The following NPR1 variants were observed in gnomAD, a reference collection of about 807,000 sequenced individuals.
The protein encoded by NPR1 is natriuretic peptide receptor 1.
NPR1 carries 57 observed loss-of-function variants against 116.9 expected under a neutral mutation model. That is an observed-to-expected ratio of 0.49 (90% CI 0.39 to 0.61). NPR1 has a LOEUF of 0.61. Among genes scored for constraint, NPR1 ranks in the 20% least tolerant of loss-of-function variants. The pLI is 0.00. For missense variants in NPR1, 1,096 were observed against 1,409.8 expected (o/e 0.78, Z 3.56); for synonymous variants, 555 against 601.6 (o/e 0.92, Z 1.13).
At chr1:153,691,653 T>C (rs1009308191) in intron 20 of NPR1, among the ~76,000 whole-genome samples, 1 of 152,038 alleles carries the variant, frequency 6.6e-6, no homozygotes, top group Non-Finnish European at 1.5e-5. Context: ...TCCCAGCACT[T>C]TGGGAGGCCG....
chr1:153,682,472 A>C, intron 4 of NPR1, 26 bp from the exon 5 acceptor site: 1 of 1,574,560 alleles, frequency 6.4e-7, no homozygotes, highest in Non-Finnish European at 8.7e-7. Context: ...TCTCTCAAAC[A>C]TAGTCATCTT....
chr1:153,679,904 T>A lies in NPR1; in HGVS notation c.721+75T>A. On this transcript the variant is annotated intron_variant, in intron 1 of 21. Transcript: ENST00000368680. The surrounding 1 kb of genome is among the most constrained non-coding windows in gnomAD (Gnocchi z 4.2). ...TCTGACCTGCCGGAGGCATCGGGAC[T>A]TTCTCTCTCATCTGGGGGCACTCTT... is the stretch of plus-strand genomic sequence containing the variant. The A allele has an allele frequency of 6.7e-7, 1 of 1,497,254 alleles. No individual in the cohort carries two copies. The allele number at this position is 1,497,254 out of a possible 1,614,324, so 92.7% of individuals were successfully genotyped here.
chr1:153,679,815 C>G lies in NPR1; in HGVS notation c.707C>G (p.Pro236Arg), dbSNP rs1290716134. The change falls in exon 1 of 22, where the codon CCG becomes CGG. Residue 236 changes from proline to arginine, a missense_variant. By Grantham distance (103) the Pro-to-Arg change is moderately radical. Transcript: ENST00000368680. This position sits in a 1 kb window ranked among gnomAD's most constrained non-coding sequence, Gnocchi z 4.2. ...TACACCAGGCTGCTGCGGACCATGC[C>G]GCGCAAAGGCCGAGGTGAGACGCTG... The part of the protein sequence containing the change: ...SHYTRLLRTM[P>R]RKGRVIYICS... 1 of 1,541,842 alleles carries G rather than the reference C, an allele frequency of 6.5e-7. No individual in the cohort carries two copies.
chr1:153,678,898 G>T lies in NPR1; in HGVS notation c.-211G>T. Reference sequence around the variant, plus strand: ...TCCTGGCACCCACCTGCTCCGCGGCGCCCTGCGCGCCCCCCTCGGTCGCGC... The same window carrying T: ...TCCTGGCACCCACCTGCTCCGCGGCTCCCTGCGCGCCCCCCTCGGTCGCGC... On this transcript the variant is annotated 5_prime_UTR_variant, in exon 1 of 22. Coordinates refer to ENST00000368680, the MANE Select transcript of NPR1 (RefSeq NM_000906.4). This position sits in a 1 kb window ranked among gnomAD's most constrained non-coding sequence, Gnocchi z 5.8. 2 of 573,538 alleles carry T rather than the reference G, an allele frequency of 3.5e-6. No homozygotes were observed. The highest frequency in any genetic ancestry group is 4.2e-5 in the Admixed American group (1 of 23,558). The allele number at this position is 573,538 out of a possible 1,614,324, so 35.5% of individuals were successfully genotyped here. A position where few individuals can be genotyped will look rare whatever the true frequency, so the allele number is the denominator to read the frequency against.
chr1:153,686,311 C>A, intron 10 of NPR1, 111 bp downstream of exon 10: 1 of 1,048,528 alleles, frequency 9.5e-7, no homozygotes, highest in Non-Finnish European at 1.5e-6. Flanking sequence ...AAGAAAGGGG[C>A]AGGGACTGGA....
At position 153,679,262 on chromosome 1, in the gene NPR1, T is replaced by C. The variant is rs1216662967; in HGVS notation, c.154T>C (p.Trp52Arg). 6.5e-7 allele frequency: 1 copy of C among 1,527,998 alleles called. No individual in the cohort carries two copies. The allele number at this position is 1,527,998 out of a possible 1,614,324, so 94.7% of individuals were successfully genotyped here. A position where few individuals can be genotyped will look rare whatever the true frequency, so the allele number is the denominator to read the frequency against. ...PLANTSYPWS[W>R]ARVGPAVELA... is the part of the protein sequence containing the mutation. ...GGCCAATACCTCGTACCCCTGGTCG[T>C]GGGCGCGCGTGGGACCCGCCGTGGA... The change falls in exon 1 of 22, where the codon TGG becomes CGG. Residue 52 changes from tryptophan (W) to arginine (R), a missense_variant. Coordinates refer to ENST00000368680, the MANE Select transcript of NPR1 (RefSeq NM_000906.4). This position sits in a 1 kb window ranked among gnomAD's most constrained non-coding sequence, Gnocchi z 4.2.
At position 153,679,825 on chromosome 1, in the gene NPR1, C is replaced by G; in HGVS notation, c.717C>G (p.Gly239=). The change falls in exon 1 of 22, where the codon GGC becomes GGG. Residue 239 remains glycine, a synonymous_variant. Coordinates refer to ENST00000368680, the MANE Select transcript of NPR1 (RefSeq NM_000906.4). The surrounding 1 kb of genome is among the most constrained non-coding windows in gnomAD (Gnocchi z 4.2). ...TRLLRTMPRK[G]RVIYICSSPD... is the part of the protein sequence containing the mutation. ...TGCTGCGGACCATGCCGCGCAAAGG[C>G]CGAGGTGAGACGCTGGCACACCCCG... 1 of 1,539,674 alleles carries G rather than the reference C, an allele frequency of 6.5e-7. No homozygotes were observed. Among genetic ancestry groups the G allele is most frequent in the East Asian group, 2.4e-5 (1 of 40,964 alleles).
chr1:153,685,520 A>C (rs778600250), intron 8 of NPR1, among the ~76,000 whole-genome samples: 1 of 151,994 alleles, frequency 6.6e-6, no homozygotes, highest in Non-Finnish European at 1.5e-5. Flanking sequence ...AAAGATTAGC[A>C]GGGCATGGTG....
chr1:153,680,602 A>G lies in NPR1; in HGVS notation c.823A>G (p.Ile275Val). 6.2e-7 allele frequency: 1 copy of G among 1,614,116 alleles called. No homozygotes were observed. Among genetic ancestry groups the G allele is most frequent in the Non-Finnish European group, 8.5e-7 (1 of 1,180,012 alleles). ...GGACTACGTTTTCTTCCACCTGGATATCTTTGGGCAAAGCCTGCAAGGTGG... is the reference window on the plus strand; with the variant it reads ...GGACTACGTTTTCTTCCACCTGGATGTCTTTGGGCAAAGCCTGCAAGGTGG... ...GEDYVFFHLD[I>V]FGQSLQGGQG... The change falls in exon 2 of 22, where the codon ATC becomes GTC. Residue 275 changes from isoleucine (I) to valine (V), a missense_variant. Transcript: ENST00000368680.
chr1:153,684,252 C>T (rs992754356), intron 7 of NPR1, among the ~76,000 whole-genome samples: 3 of 151,936 alleles, frequency 2.0e-5, no homozygotes, highest in African/African-American at 4.8e-5. Flanking sequence ...TTGTTCCTGC[C>T]GTCCAGTGGA....
In NPR1 at chr1:153,679,317, C is replaced by T. The variant is rs771579198; in HGVS notation, c.209C>T (p.Pro70Leu). The change falls in exon 1 of 22, where the codon CCC becomes CTC. Residue 70 changes from proline to leucine, a missense_variant. Transcript: ENST00000368680. The surrounding 1 kb of genome is among the most constrained non-coding windows in gnomAD (Gnocchi z 4.2). ...ELALAQVKAR[P>L]DLLPGWTVRT... Reference sequence around the variant, plus strand: ...GCCCTGGCCCAGGTGAAGGCGCGCCCCGACTTGCTGCCGGGCTGGACGGTC... The same window carrying T: ...GCCCTGGCCCAGGTGAAGGCGCGCCTCGACTTGCTGCCGGGCTGGACGGTC... The T allele has an allele frequency of 1.5e-5, 23 of 1,533,184 alleles. No individual in the cohort carries two copies. In the East Asian group the frequency reaches 5.5e-4, roughly 36 times the overall value. The allele number at this position is 1,533,184 out of a possible 1,614,324, so 95.0% of individuals were successfully genotyped here. A position where few individuals can be genotyped will look rare whatever the true frequency, so the allele number is the denominator to read the frequency against.
At chr1:153,684,906 C>A in intron 7 of NPR1, 58 bp from the exon 8 acceptor site, 1 of 1,603,848 alleles carries the variant, frequency 6.2e-7, no homozygotes, top group Non-Finnish European at 8.5e-7. Context: ...GGCTGCTGAG[C>A]ACCCTGCCCT....
chr1:153,689,596 A>G lies in NPR1; in HGVS notation c.2757+75A>G. Reference sequence around the variant, plus strand: ...CAGAAAAAGATGAGGGGTAGGCAGAATGATGTGGAGTCTTAAGAGAGGAGA... The same window carrying G: ...CAGAAAAAGATGAGGGGTAGGCAGAGTGATGTGGAGTCTTAAGAGAGGAGA... On this transcript the variant is annotated intron_variant, in intron 18 of 21. Coordinates refer to ENST00000368680, the MANE Select transcript of NPR1 (RefSeq NM_000906.4). The surrounding 1 kb of genome is among the most constrained non-coding windows in gnomAD (Gnocchi z 5.1). The G allele has an allele frequency of 2.1e-6, 3 of 1,434,592 alleles. No homozygotes were observed. In the South Asian group the frequency reaches 3.4e-5, roughly 16 times the overall value. The allele number at this position is 1,434,592 out of a possible 1,614,324, so 88.9% of individuals were successfully genotyped here. A position where few individuals can be genotyped will look rare whatever the true frequency, so the allele number is the denominator to read the frequency against.
chr1:153,687,559 G>C, intron 13 of NPR1, 75 bp from the exon 14 acceptor site: 1 of 1,519,584 alleles, frequency 6.6e-7, no homozygotes, highest in Non-Finnish European at 8.8e-7. Flanking sequence ...ATCAGTTTCG[G>C]CCACACCCTT....
chr1:153,682,146 C>T (rs1669799069), intron 4 of NPR1, among the ~76,000 whole-genome samples: 1 of 152,050 alleles, frequency 6.6e-6, no homozygotes, highest in African/African-American at 2.4e-5. Flanking sequence ...CCTCCGCCTC[C>T]CAGGTTCAAG....
chr1:153,693,064 C>T, intron 20 of NPR1, 42 bp from the exon 21 acceptor site: 3 of 1,515,156 alleles, frequency 2.0e-6, no homozygotes, highest in Non-Finnish European at 2.7e-6. Flanking sequence ...CTGCTCTCCT[C>T]TCTCACATTG....
chr1:153,679,073 T>C lies in NPR1; in HGVS notation c.-36T>C. The C allele has an allele frequency of 4.3e-6, 6 of 1,400,304 alleles. No individual in the cohort carries two copies. The highest frequency in any genetic ancestry group is 5.5e-6 in the Non-Finnish European group (6 of 1,088,988). The allele number at this position is 1,400,304 out of a possible 1,614,324, so 86.7% of individuals were successfully genotyped here. On this transcript the variant is annotated 5_prime_UTR_variant, in exon 1 of 22. Transcript: ENST00000368680. The surrounding 1 kb of genome is among the most constrained non-coding windows in gnomAD (Gnocchi z 4.2). ...CCCAAGGGGACCGAGGAGGCCATGG[T>C]AGGAGCGCTCGCCTGCTGCGGTGCC...
rs771459619 is a variant in NPR1 at position 153,683,725 on chromosome 1, G to C, written c.1400-15G>C. 8 of 1,613,486 alleles carry C rather than the reference G, an allele frequency of 5.0e-6. No individual in the cohort carries two copies. The highest frequency in any genetic ancestry group is 5.9e-6 in the Non-Finnish European group (7 of 1,179,448). ...CCCAAATCTCTCTTGCTGCAATATG[G>C]ACTCTCTCCTGCAGATCACCTTTCC... On this transcript the variant is annotated splice_polypyrimidine_tract_variant and intron_variant, in intron 6 of 21. Coordinates refer to ENST00000368680, the MANE Select transcript of NPR1 (RefSeq NM_000906.4).
chr1:153,688,141 C>T lies in NPR1; in HGVS notation c.2337C>T (p.Leu779=), dbSNP rs1382953837. The change falls in exon 15 of 22, where the codon CTC becomes CTT. Residue 779 remains leucine, a synonymous_variant. Coordinates refer to ENST00000368680, the MANE Select transcript of NPR1 (RefSeq NM_000906.4). The stretch of plus-strand genomic sequence containing the variant: ...GTCACCTGGAGGAGTTGGGGCTGCT[C>T]ATGCAGCGGTGCTGGGCTGAGGACC... ...LQSHLEELGL[L]MQRCWAEDPQ... The T allele has an allele frequency of 6.2e-7, 1 of 1,613,778 alleles. No individual in the cohort carries two copies. Among genetic ancestry groups the T allele is most frequent in the Admixed American group, 1.7e-5 (1 of 60,006 alleles).
Sources: gnomAD v4.1 joint callset for allele counts (sites outside exome capture counted in the v4.1 genomes callset) on GRCh38, gnomAD v4.1.1 for gene constraint, Gnocchi (gnomAD v3.1) non-coding constraint, MANE v1.5 for transcripts, NCBI Gene and HGNC (gene_info 2026-07-23, HGNC 2026-07-21) for gene names.